CAMK1D: variants seen among roughly 807,000 people sequenced by gnomAD.
CAMK1D encodes the protein calcium/calmodulin dependent protein kinase ID.
In CAMK1D, 9 loss-of-function variants were observed where a neutral mutation model predicts 47.7. The observed-to-expected ratio is 0.19, with a 90% CI of 0.11 to 0.33. The LOEUF (loss-of-function observed/expected upper bound fraction) is 0.33, where lower values mean the gene tolerates loss of function less well. Among genes scored for constraint, CAMK1D ranks in the 10% least tolerant of loss-of-function variants. CAMK1D has a pLI of 1.00. For missense variants in CAMK1D, 291 were observed against 488.7 expected, an observed-to-expected ratio of 0.60 and a Z score of 3.81; for synonymous variants, 184 against 184.9, an observed-to-expected ratio of 0.99 and a Z score of 0.04.
At chr10:12,823,942 C>G (rs1369768569) in intron 8 of CAMK1D, among the ~76,000 whole-genome samples, 1 of 151,914 alleles carries the variant, frequency 6.6e-6, no homozygotes, top group Non-Finnish European at 1.5e-5. Context: ...GAGTGGTGCC[C>G]TGGGAGCAGC....
chr10:12,518,764 A>C lies in CAMK1D; in HGVS notation c.93-34461A>C, dbSNP rs1250179497. Among the ~76,000 whole-genome samples, 27 of 98,562 alleles carry C rather than the reference A, an allele frequency of 2.7e-4. 4 individuals carry two copies. The highest frequency in any genetic ancestry group is 1.0e-3 in the African/African-American group (27 of 26,858). 64.7% of individuals were successfully genotyped at this position (98,562 alleles called of 152,430 possible). A position where few individuals can be genotyped will look rare whatever the true frequency, so the allele number is the denominator to read the frequency against. On this transcript the variant is annotated intron_variant, in intron 1 of 10. Coordinates refer to ENST00000619168, the MANE Select transcript of CAMK1D (RefSeq NM_153498.4). ...ACCGCCCTTAATCCATTTAACCCTG[A>C]GTGGACACAGCACATGTTTCAGAGA... is the stretch of plus-strand genomic sequence containing the variant.
chr10:12,800,226 T>G (rs1838368542), intron 6 of CAMK1D, among the ~76,000 whole-genome samples: 7 of 152,348 alleles, frequency 4.6e-5, no homozygotes, highest in Admixed American at 4.6e-4. Flanking sequence ...TTATAACGAT[T>G]CAGGTCTCAT....
At chr10:12,827,637 C>CTCTCT (rs1564594558) in intron 10 of CAMK1D, among the ~76,000 whole-genome samples, 1 of 60,700 alleles carries the variant, frequency 1.6e-5, no homozygotes, top group African/African-American at 5.0e-5. Flanking sequence ...CTCCTCTCTC[C>CTCTCT]CCTCTCCCCT....
chr10:12,690,104 A>ATC (rs754776843), intron 3 of CAMK1D, among the ~76,000 whole-genome samples: 1 of 151,962 alleles, frequency 6.6e-6, no homozygotes, highest in Non-Finnish European at 1.5e-5. Context: ...TTTCTCTTCC[A>ATC]TCTCCGTGTG....
intron 2 of CAMK1D, among the ~76,000 whole-genome samples, chr10:12,631,000 G>T: frequency 6.6e-6 from 1 of 152,168 alleles, no homozygotes; most frequent in East Asian, 1.9e-4. Context: ...GAAGGTAGGA[G>T]AAGCTGTCTC....
intron 1 of CAMK1D, among the ~76,000 whole-genome samples, chr10:12,451,184 A>G (rs1833073502): frequency 6.6e-6 from 1 of 152,162 alleles, no homozygotes; most frequent in Non-Finnish European, 1.5e-5. Flanking sequence ...TGTTTTAATA[A>G]AGGGCTTCCT....
chr10:12,413,006 A>T (rs74118784), intron 1 of CAMK1D, among the ~76,000 whole-genome samples: 2 of 152,158 alleles, frequency 1.3e-5, no homozygotes, highest in African/African-American at 2.4e-5. Context: ...GGGAGCCCCA[A>T]TGTGGGTCCA....
intron 2 of CAMK1D, among the ~76,000 whole-genome samples, chr10:12,608,949 C>A (rs1007101545): frequency 6.6e-6 from 1 of 152,192 alleles, no homozygotes; most frequent in African/African-American, 2.4e-5. Flanking sequence ...CTATTGAAAG[C>A]TCTTGGAATG....
chr10:12,559,045 T>C (rs946518998), intron 2 of CAMK1D, among the ~76,000 whole-genome samples: 2 of 152,056 alleles, frequency 1.3e-5, no homozygotes, highest in Non-Finnish European at 2.9e-5. Context: ...GAGTGGCTTA[T>C]GCTTGTAATT....
At chr10:12,748,062 G>A (rs1226931391) in intron 3 of CAMK1D, among the ~76,000 whole-genome samples, 1 of 152,114 alleles carries the variant, frequency 6.6e-6, no homozygotes, top group Non-Finnish European at 1.5e-5. Flanking sequence ...TAACCCTCAC[G>A]GCGCCAGTCA....
At chr10:12,630,909 A>G (rs570788414) in intron 2 of CAMK1D, among the ~76,000 whole-genome samples, 39 of 152,170 alleles carry the variant, frequency 2.6e-4, no homozygotes, top group Non-Finnish European at 5.4e-4. Flanking sequence ...GAGGGACAGG[A>G]GGACCAGATT....
In CAMK1D at chr10:12,544,776, G is replaced by A. The variant is rs113645048; in HGVS notation, c.93-8449G>A. Among the ~76,000 whole-genome samples the A allele has an allele frequency of 6.1e-3, 928 of 151,490 alleles. 9 individuals carry two copies. Among genetic ancestry groups the A allele is most frequent in the African/African-American group, 0.022 (889 of 41,004 alleles). ...TGAGTGGATGGTACTAGTGTTGAGT[G>A]GATAGTACTAGTGTTGAGTGGATAG... On this transcript the variant is annotated intron_variant, in intron 1 of 10. Coordinates refer to ENST00000619168, the MANE Select transcript of CAMK1D (RefSeq NM_153498.4).
chr10:12,382,815 A>T (rs1368640874), intron 1 of CAMK1D, among the ~76,000 whole-genome samples: 1 of 152,188 alleles, frequency 6.6e-6, no homozygotes, highest in Non-Finnish European at 1.5e-5. Context: ...ACAGAGTGAG[A>T]CTTCATCTCA....
intron 1 of CAMK1D, among the ~76,000 whole-genome samples, chr10:12,515,430 C>CTTTTTTTTTTTT (rs55728182): frequency 1.1e-5 from 1 of 92,262 alleles, no homozygotes; most frequent in African/African-American, 4.1e-5. Flanking sequence ...TTTTTTTTTT[C>CTTTTTTTTTTTT]ATTATACTTT....
intron 2 of CAMK1D, among the ~76,000 whole-genome samples, chr10:12,631,351 C>T (rs1839372999): frequency 6.6e-6 from 1 of 152,210 alleles, no homozygotes; most frequent in African/African-American, 2.4e-5. Context: ...CATGCCTGGA[C>T]AGAACTAGAC....
chr10:12,613,773 C>T (rs1383561395), intron 2 of CAMK1D, among the ~76,000 whole-genome samples: 2 of 152,212 alleles, frequency 1.3e-5, no homozygotes, highest in African/African-American at 4.8e-5. Context: ...CCGCCGCACC[C>T]GGCCTAGGAT....
chr10:12,408,280 A>G (rs1397608381), intron 1 of CAMK1D, among the ~76,000 whole-genome samples: 4 of 149,090 alleles, frequency 2.7e-5, no homozygotes, highest in Admixed American at 1.3e-4. Context: ...TCCTGCCTCA[A>G]CCTCCCGAGT....
chr10:12,689,523 T>C (rs1039614016), intron 3 of CAMK1D, among the ~76,000 whole-genome samples: 6 of 152,132 alleles, frequency 3.9e-5, no homozygotes, highest in African/African-American at 1.4e-4. Context: ...ACACCTGTAA[T>C]CCCAGCACTT....
At chr10:12,721,643 T>C (rs969425156) in intron 3 of CAMK1D, among the ~76,000 whole-genome samples, 5 of 152,198 alleles carry the variant, frequency 3.3e-5, no homozygotes, top group African/African-American at 1.2e-4. Context: ...ACAAGGACCC[T>C]GTGCTCACAG....
Sources: gnomAD v4.1 joint callset for allele counts (sites outside exome capture counted in the v4.1 genomes callset) on GRCh38, gnomAD v4.1.1 for gene constraint, MANE v1.5 for transcripts, NCBI Gene and HGNC (gene_info 2026-07-23, HGNC 2026-07-21) for gene names.